TECRL: variants seen among roughly 807,000 people sequenced by gnomAD.
TECRL encodes the protein trans-2,3-enoyl-CoA reductase-like.
TECRL carries 63 observed loss-of-function variants against 52.8 expected under a neutral mutation model. The observed-to-expected ratio is 1.19, with a 90% CI of 0.97 to 1.47. The LOEUF (loss-of-function observed/expected upper bound fraction) is 1.47, where lower values mean the gene tolerates loss of function less well. Among genes scored for constraint, TECRL ranks in the 40% most tolerant of loss-of-function variants. TECRL has a pLI of 0.00. For missense variants in TECRL, 482 were observed against 429.6 expected, an observed-to-expected ratio of 1.12 and a Z score of -1.08; for synonymous variants, 164 against 141.9, an observed-to-expected ratio of 1.16 and a Z score of -1.10.
intron 2 of TECRL, among the ~76,000 whole-genome samples, chr4:64,348,876 G>A (rs549101623): frequency 6.6e-5 from 10 of 152,056 alleles, no homozygotes; most frequent in East Asian, 1.9e-4. Flanking sequence ...TGTCCACTGC[G>A]CAGGTAATGG....
chr4:64,405,594 G>A (rs544596416), intron 1 of TECRL, among the ~76,000 whole-genome samples: 3 of 152,062 alleles, frequency 2.0e-5, no homozygotes, highest in Non-Finnish European at 4.4e-5. Flanking sequence ...AGATTAAATC[G>A]ATATATAGAT....
chr4:64,377,669 C>T (rs187582304), intron 1 of TECRL, among the ~76,000 whole-genome samples: 1 of 152,050 alleles, frequency 6.6e-6, no homozygotes, highest in East Asian at 1.9e-4. Flanking sequence ...TAAATTTTAA[C>T]TGATTATAAT....
chr4:64,369,999 G>A (rs1721873146), intron 2 of TECRL, among the ~76,000 whole-genome samples: 1 of 151,580 alleles, frequency 6.6e-6, no homozygotes, highest in African/African-American at 2.4e-5. Context: ...AATTTTCTTA[G>A]CCCAAAGGCA....
At chr4:64,308,405 G>A (rs184980306) in intron 6 of TECRL, among the ~76,000 whole-genome samples, 988 of 152,190 alleles carry the variant, frequency 6.5e-3, no homozygotes, top group Non-Finnish European at 9.3e-3. Flanking sequence ...CTTTCGTTAG[G>A]CACTCATAAG....
At chr4:64,291,219 C>T (rs1298079531) in intron 8 of TECRL, among the ~76,000 whole-genome samples, 1 of 152,040 alleles carries the variant, frequency 6.6e-6, no homozygotes, top group East Asian at 1.9e-4. Context: ...AAGTACCCTA[C>T]ACAGCCTATT....
chr4:64,277,197 T>A (rs1430870851), downstream of TECRL: 3 of 483,822 alleles, frequency 6.2e-6, no homozygotes, highest in African/African-American at 3.9e-5. Context: ...TGTAGTATAA[T>A]GGGAAAAAAA....
intron 1 of TECRL, among the ~76,000 whole-genome samples, chr4:64,395,224 G>A (rs766973967): frequency 1.1e-4 from 16 of 151,944 alleles, no homozygotes; most frequent in Admixed American, 2.0e-4. Flanking sequence ...CCAGCCAAAC[G>A]TGAATTTTTT....
chr4:64,382,970 G>A lies in TECRL; in HGVS notation c.235-7747C>T, dbSNP rs536989940. Among the ~76,000 whole-genome samples, 4 of 152,220 alleles carry A rather than the reference G, an allele frequency of 2.6e-5. No homozygotes were observed. In the East Asian group the frequency reaches 7.7e-4, roughly 29 times the overall value. ...CTCTTAAGCATTTCTTGTAGGATCA[G>A]TCTTGTGGTAATGATTTCTTTCAGT... On this transcript the variant is annotated intron_variant, in intron 1 of 11. Transcript: ENST00000381210.
intron 2 of TECRL, among the ~76,000 whole-genome samples, chr4:64,339,659 A>G (rs1719408503): frequency 6.6e-6 from 1 of 151,994 alleles, no homozygotes; most frequent in Admixed American, 6.6e-5. Flanking sequence ...TCTGCCCTTT[A>G]GGTCCTTGAT....
chr4:64,384,149 C>A (rs1168811622), intron 1 of TECRL, among the ~76,000 whole-genome samples: 1 of 151,720 alleles, frequency 6.6e-6, no homozygotes, highest in East Asian at 1.9e-4. Context: ...TCATTGGGTG[C>A]CCAGGTGGTG....
intron 2 of TECRL, among the ~76,000 whole-genome samples, chr4:64,350,130 C>T (rs2109568892): frequency 6.6e-6 from 1 of 152,168 alleles, no homozygotes; most frequent in Middle Eastern, 3.4e-3. Flanking sequence ...TATCAATGTC[C>T]CACAAAACTG....
chr4:64,398,478 C>A (rs1292129726), intron 1 of TECRL, among the ~76,000 whole-genome samples: 1 of 152,160 alleles, frequency 6.6e-6, no homozygotes, highest in African/African-American at 2.4e-5. Context: ...TCTCTTCTCT[C>A]TGTCTCTTTG....
At chr4:64,347,087 C>T (rs753497190) in intron 2 of TECRL, among the ~76,000 whole-genome samples, 35 of 152,248 alleles carry the variant, frequency 2.3e-4, no homozygotes, top group Non-Finnish European at 4.1e-4. Context: ...TATAAATGCA[C>T]GGATCTGCCT....
rs1723514269 is a variant in TECRL, at chr4:64,293,598, T to A, written c.775-3831A>T. 2.0e-5 allele frequency among the ~76,000 whole-genome samples: 3 copies of A among 152,124 alleles called. No homozygotes were observed. The South Asian group carries it at 6.2e-4, about 31-fold the overall frequency. ...ATTGTGGAATGATACCAATTACCAA[T>A]GACTAAAGCAAGGGGTCGAGGGAGG... On this transcript the variant is annotated intron_variant, in intron 8 of 11. Coordinates refer to ENST00000381210, the MANE Select transcript of TECRL (RefSeq NM_001010874.5).
intron 2 of TECRL, among the ~76,000 whole-genome samples, chr4:64,359,822 T>C (rs996095300): frequency 2.6e-5 from 4 of 152,126 alleles, no homozygotes; most frequent in East Asian, 1.9e-4. Context: ...ACGACATTAA[T>C]ATATAGCAAT....
Position 64,278,035 on chromosome 4 carries a change from T to C in TECRL, c.*2037A>G, listed in dbSNP as rs1407077067. On this transcript the variant is annotated 3_prime_UTR_variant, in exon 12 of 12. Coordinates refer to ENST00000381210, the MANE Select transcript of TECRL (RefSeq NM_001010874.5). Reference sequence around the variant, plus strand: ...AAGTGCATACAATCCATTTGAAATATGCATATATTTGTGTATGTGTATATA... The same window carrying C: ...AAGTGCATACAATCCATTTGAAATACGCATATATTTGTGTATGTGTATATA... The C allele has an allele frequency of 6.6e-6, 1 of 151,740 alleles. No homozygotes were observed. Among genetic ancestry groups the C allele is most frequent in the Non-Finnish European group, 1.5e-5 (1 of 67,774 alleles). The allele number at this position is 151,740 out of a possible 1,614,324, so 9.4% of individuals were successfully genotyped here. A position where few individuals can be genotyped will look rare whatever the true frequency, so the allele number is the denominator to read the frequency against.
intron 1 of TECRL, among the ~76,000 whole-genome samples, chr4:64,403,681 T>C (rs555264565): frequency 8.6e-5 from 13 of 151,980 alleles, no homozygotes; most frequent in African/African-American, 2.7e-4. Context: ...ACTCTCAGAT[T>C]TATACTAATA....
chr4:64,403,475 G>GCACA lies in TECRL; in HGVS notation c.234+5639_234+5642dup, dbSNP rs148711260. 8.3e-3 allele frequency among the ~76,000 whole-genome samples: 1,235 copies of GCACA among 148,326 alleles called. 15 individuals are homozygous for GCACA. Among genetic ancestry groups the GCACA allele is most frequent in the African/African-American group, 0.027 (1,104 of 40,180 alleles). On this transcript the variant is annotated intron_variant, in intron 1 of 11. Coordinates refer to ENST00000381210, the MANE Select transcript of TECRL (RefSeq NM_001010874.5). ...AAACAATATTCTTCCCTCCCTGAGC[G>GCACA]CACACACACACACACACACACACAC... is the stretch of plus-strand genomic sequence containing the variant.
At chr4:64,315,445 T>A (rs895844293) in intron 4 of TECRL, among the ~76,000 whole-genome samples, 4 of 152,108 alleles carry the variant, frequency 2.6e-5, no homozygotes, top group African/African-American at 9.7e-5. Flanking sequence ...CTAAATTTGA[T>A]AGCTGTTTGA....
Sources: gnomAD v4.1 joint callset for allele counts (sites outside exome capture counted in the v4.1 genomes callset) on GRCh38, gnomAD v4.1.1 for gene constraint, MANE v1.5 for transcripts, NCBI Gene and HGNC (gene_info 2026-07-23, HGNC 2026-07-21) for gene names.